The following DYRK3 variants were observed in gnomAD, a reference collection of about 807,000 sequenced individuals.
DYRK3 encodes the protein dual specificity tyrosine-phosphorylation-regulated kinase 3.
A neutral mutation model predicts 40.8 loss-of-function variants in DYRK3; 30 were observed. The ratio of observed to expected loss-of-function variants is 0.74; its 90% CI spans 0.55 to 1.00. DYRK3 has a LOEUF of 1.00. Among genes scored for constraint, DYRK3 ranks in the 50% least tolerant of loss-of-function variants. DYRK3 has a pLI of 0.00. For missense variants in DYRK3, 699 were observed against 731.5 expected (o/e 0.96, Z 0.51); for synonymous variants, 272 against 260.7 (o/e 1.04, Z -0.42).
At position 206,651,439 on chromosome 1, in the gene DYRK3, A is replaced by G. The variant is rs1207071151; in HGVS notation, c.*2474A>G. On this transcript the variant is annotated 3_prime_UTR_variant, in exon 3 of 3. Coordinates refer to ENST00000367109, the MANE Select transcript of DYRK3 (RefSeq NM_003582.4). ...TCAGCCTTCTTTCAACTACCAAGAA[A>G]TGGATGATTTCTCTGCCAACTCCAG... Among the ~76,000 whole-genome samples, 4 of 152,220 alleles carry G rather than the reference A, an allele frequency of 2.6e-5. No homozygotes were observed. Among genetic ancestry groups the G allele is most frequent in the African/African-American group, 4.8e-5 (2 of 41,460 alleles).
intron 2 of DYRK3, among the ~76,000 whole-genome samples, chr1:206,640,547 A>ATT (rs11301093): frequency 1.6e-5 from 2 of 126,356 alleles, no homozygotes; most frequent in Non-Finnish European, 3.3e-5. Context: ...TCTCAGCAAG[A>ATT]TTTTTTTTTT....
At chr1:206,637,025 T>TA in intron 1 of DYRK3, 1 of 1,313,682 alleles carries the variant, frequency 7.6e-7, no homozygotes. Flanking sequence ...CTGTAGTACT[T>TA]ACTGTATTTT....
intron 2 of DYRK3, among the ~76,000 whole-genome samples, chr1:206,640,486 G>A (rs1419294376): frequency 6.6e-6 from 1 of 151,846 alleles, no homozygotes; most frequent in Non-Finnish European, 1.5e-5. Context: ...TGGGGAAAAG[G>A]TAGGGTTTTA....
Position 206,648,533 on chromosome 1 carries a change from C to G in DYRK3, c.1335C>G (p.Ser445=), listed in dbSNP as rs782140682. 53 of 1,614,022 alleles carry G rather than the reference C, an allele frequency of 3.3e-5. No individual in the cohort carries two copies. Among genetic ancestry groups the G allele is most frequent in the Non-Finnish European group, 4.4e-5 (52 of 1,180,026 alleles). ...QSKRAKYFIN[S]KGIPRYCSVT... ...AACGTGCCAAGTACTTTATTAATTC[C>G]AAGGGCATACCCCGCTACTGCTCTG... Residue 445 remains serine (S), a synonymous_variant, in exon 3 of 3, where the codon TCC becomes TCG. Transcript: ENST00000367109.
In DYRK3 at chr1:206,647,385, T is replaced by C; in HGVS notation, c.190-3T>C. ...TGACTTATATTCATTTTCTCTTTCATAGATGACCACTGAGCAGTTTACAGG... is the reference window on the plus strand; with the variant it reads ...TGACTTATATTCATTTTCTCTTTCACAGATGACCACTGAGCAGTTTACAGG... On this transcript the variant is annotated splice_polypyrimidine_tract_variant and splice_region_variant and intron_variant, in intron 2 of 2. Transcript: ENST00000367109. 6.3e-7 allele frequency: 1 copy of C among 1,577,102 alleles called. No homozygotes were observed. Among genetic ancestry groups the C allele is most frequent in the Non-Finnish European group, 8.6e-7 (1 of 1,163,160 alleles).
chr1:206,636,192 T>C (rs782239766), intron 1 of DYRK3: 13 of 658,626 alleles, frequency 2.0e-5, no homozygotes, highest in Non-Finnish European at 2.6e-6. Context: ...TGGGGTTTGC[T>C]GTGAGGGGTG....
rs543869711 is a variant in DYRK3, at chr1:206,644,899, T to G, written c.190-2489T>G. ...TCTTGACCAGTGATAGTTTTCTATT[T>G]TGGTATCAGAGAGACTATATGTACT... On this transcript the variant is annotated intron_variant, in intron 2 of 2. Transcript: ENST00000367109. Among the ~76,000 whole-genome samples the G allele has an allele frequency of 7.2e-5, 11 of 152,354 alleles. No individual in the cohort carries two copies. In the South Asian group the frequency reaches 2.3e-3, roughly 32 times the overall value.
intron 2 of DYRK3, among the ~76,000 whole-genome samples, chr1:206,642,917 C>T (rs1403021756): frequency 6.6e-6 from 1 of 151,220 alleles, no homozygotes; most frequent in Non-Finnish European, 1.5e-5. Flanking sequence ...TACCCTATAA[C>T]TTATAATAAT....
chr1:206,639,185 C>T (rs1248351424), intron 2 of DYRK3, among the ~76,000 whole-genome samples: 2 of 151,972 alleles, frequency 1.3e-5, no homozygotes, highest in African/African-American at 2.4e-5. Flanking sequence ...GGCCCTTTCC[C>T]CACTTTCAAC....
chr1:206,640,460 T>C (rs782643180), intron 2 of DYRK3, among the ~76,000 whole-genome samples: 2 of 151,984 alleles, frequency 1.3e-5, no homozygotes, highest in Non-Finnish European at 2.9e-5. Context: ...GTTACAGGGA[T>C]TTAGGGTTTG....
intron 2 of DYRK3, among the ~76,000 whole-genome samples, chr1:206,641,480 C>T (rs71633594): frequency 6.7e-6 from 1 of 149,814 alleles, no homozygotes; most frequent in African/African-American, 2.5e-5. Flanking sequence ...TTTATCTACT[C>T]CTTGATTGAT....
At chr1:206,638,186 A>G (rs1219328024) in intron 2 of DYRK3, among the ~76,000 whole-genome samples, 1 of 152,030 alleles carries the variant, frequency 6.6e-6, no homozygotes, top group Non-Finnish European at 1.5e-5. Flanking sequence ...AGTATACTAA[A>G]GAGAACCATT....
Position 206,649,005 on chromosome 1 carries a change from T to G in DYRK3, c.*40T>G, listed in dbSNP as rs200134906. 1 of 1,525,114 alleles carries G rather than the reference T, an allele frequency of 6.6e-7. No individual in the cohort carries two copies. The allele number at this position is 1,525,114 out of a possible 1,614,324, so 94.5% of individuals were successfully genotyped here. On this transcript the variant is annotated 3_prime_UTR_variant, in exon 3 of 3. Coordinates refer to ENST00000367109, the MANE Select transcript of DYRK3 (RefSeq NM_003582.4). ...CCCAGAGATGCATATGTGTATATTT[T>G]TATGATCTTACAAACCTGCAAATGG...
At position 206,648,154 on chromosome 1, in the gene DYRK3, T is replaced by C. The variant is rs1373879203; in HGVS notation, c.956T>C (p.Ile319Thr). The change falls in exon 3 of 3, where the codon ATC becomes ACC. Residue 319 changes from isoleucine (I) to threonine (T), a missense_variant. Physicochemically the swap from Ile to Thr is moderately conservative, Grantham distance 89 (BLOSUM62 -1). Coordinates refer to ENST00000367109, the MANE Select transcript of DYRK3 (RefSeq NM_003582.4). ...TTGGTACGCAAGTTTGCCCAGTCCA[T>C]CTTGCAATCTTTGGATGCCCTCCAC... ...VQLVRKFAQS[I>T]LQSLDALHKN... 1.2e-6 allele frequency: 2 copies of C among 1,614,018 alleles called. No homozygotes were observed. The highest frequency in any genetic ancestry group is 1.7e-6 in the Non-Finnish European group (2 of 1,180,036).
In DYRK3 at chr1:206,653,944, A is replaced by G. The variant is rs1243018142; in HGVS notation, c.*4979A>G. Among the ~76,000 whole-genome samples the G allele has an allele frequency of 6.6e-6, 1 of 152,264 alleles. No individual in the cohort carries two copies. Among genetic ancestry groups the G allele is most frequent in the Admixed American group, 6.5e-5 (1 of 15,286 alleles). ...AAGGGGGCTTATTGCATAATCAAAA[A>G]AGAACAATAAAAAAATAAAAATTTC... On this transcript the variant is annotated 3_prime_UTR_variant, in exon 3 of 3. Transcript: ENST00000367109.
intron 1 of DYRK3, 148 bp downstream of exon 1, chr1:206,635,928 C>A: frequency 2.3e-6 from 3 of 1,313,576 alleles, no homozygotes; most frequent in East Asian, 2.9e-5. Context: ...GGACCGCCCC[C>A]ACCTCCTCTC....
intron 1 of DYRK3, among the ~76,000 whole-genome samples, chr1:206,636,498 G>A (rs541359414): frequency 6.6e-6 from 1 of 152,326 alleles, no homozygotes; most frequent in East Asian, 1.9e-4. Flanking sequence ...TGTTGGTGAA[G>A]CCATTCCCTG....
At chr1:206,643,424 A>C (rs964035649) in intron 2 of DYRK3, among the ~76,000 whole-genome samples, 2 of 152,206 alleles carry the variant, frequency 1.3e-5, no homozygotes, top group Admixed American at 1.3e-4. Context: ...AGACCCTCTC[A>C]TTATCACAAA....
In DYRK3 at chr1:206,648,269, G is replaced by T; in HGVS notation, c.1071G>T (p.Gly357=). The T allele has an allele frequency of 6.2e-7, 1 of 1,613,284 alleles. No individual in the cohort carries two copies. Among genetic ancestry groups the T allele is most frequent in the South Asian group, 1.1e-5 (1 of 91,012 alleles). The change falls in exon 3 of 3, where the codon GGG becomes GGT. Residue 357 remains glycine, a synonymous_variant. Transcript: ENST00000367109. The stretch of plus-strand genomic sequence containing the variant: ...GTTCAACCAAGGTCATTGACTTTGG[G>T]TCCAGCTGTTTCGAGTACCAGAAGC... ...GRSSTKVIDF[G]SSCFEYQKLY...
Sources: allele counts gnomAD v4.1 joint callset (sites outside exome capture counted in the v4.1 genomes callset), GRCh38; gene constraint gnomAD v4.1.1; transcripts MANE v1.5; gene names NCBI Gene and HGNC (gene_info 2026-07-23, HGNC 2026-07-21).